Variants in NKAIN1 observed in about 807,000 individuals in gnomAD.
NKAIN1 encodes the protein sodium/potassium transporting ATPase interacting 1, also known as sodium/potassium-transporting ATPase subunit beta-1-interacting protein 1.
A neutral mutation model predicts 31.6 loss-of-function variants in NKAIN1; 13 were observed. The ratio of observed to expected loss-of-function variants is 0.41; its 90% CI spans 0.27 to 0.65. NKAIN1 has a LOEUF of 0.65. NKAIN1 is among the 30% of genes least tolerant of loss of function. The pLI is 0.30. For missense variants in NKAIN1, 193 were observed against 262.2 expected, an observed-to-expected ratio of 0.74 and a Z score of 1.82; for synonymous variants, 104 against 109.0, an observed-to-expected ratio of 0.95 and a Z score of 0.28.
intron 3 of NKAIN1, 51 bp downstream of exon 3, chr1:31,185,196 G>T: frequency 6.9e-7 from 1 of 1,453,516 alleles, no homozygotes; most frequent in Non-Finnish European, 9.5e-7. Flanking sequence ...TAGGGCAGGG[G>T]ATGGGAATGG....
chr1:31,236,914 A>G (rs1041917342), intron 1 of NKAIN1, among the ~76,000 whole-genome samples: 1 of 152,134 alleles, frequency 6.6e-6, no homozygotes, highest in East Asian at 1.9e-4. Flanking sequence ...TACTTATTTT[A>G]TAATTAAGAA....
At chr1:31,186,393 T>TG (rs1321891606) in intron 2 of NKAIN1, among the ~76,000 whole-genome samples, 1 of 114,648 alleles carries the variant, frequency 8.7e-6, no homozygotes, top group Admixed American at 9.7e-5. Context: ...AATTCTTTTG[T>TG]GTTTTTTTTT....
intron 1 of NKAIN1, among the ~76,000 whole-genome samples, chr1:31,199,495 G>A (rs1479222033): frequency 6.6e-6 from 1 of 152,100 alleles, no homozygotes; most frequent in African/African-American, 2.4e-5. Context: ...GTGAAATGAG[G>A]GAGTGGGATG....
At chr1:31,231,427 G>T (rs1280025900) in intron 1 of NKAIN1, among the ~76,000 whole-genome samples, 2 of 150,764 alleles carry the variant, frequency 1.3e-5, no homozygotes, top group East Asian at 3.9e-4. Flanking sequence ...ACCCACCTTG[G>T]CCTCCCAAAG....
intron 1 of NKAIN1, among the ~76,000 whole-genome samples, chr1:31,212,664 C>T (rs1046584726): frequency 3.3e-5 from 5 of 151,992 alleles, no homozygotes; most frequent in African/African-American, 9.7e-5. Context: ...CTTGGCCTCC[C>T]GAAACTTTTG....
intron 1 of NKAIN1, among the ~76,000 whole-genome samples, chr1:31,196,544 G>T (rs954612451): frequency 7.2e-6 from 1 of 139,278 alleles, no homozygotes; most frequent in African/African-American, 2.6e-5. Context: ...AAAATTAGCC[G>T]GGCATGGTGG....
At chr1:31,226,376 T>C (rs546166117) in intron 1 of NKAIN1, among the ~76,000 whole-genome samples, 5 of 151,790 alleles carry the variant, frequency 3.3e-5, no homozygotes, top group African/African-American at 1.2e-4. Context: ...GGTGAGCTGA[T>C]AGAGGAAGAG....
chr1:31,188,212 A>T (rs752622913), intron 1 of NKAIN1, 25 bp from the exon 2 acceptor site: 12 of 1,549,496 alleles, frequency 7.7e-6, no homozygotes, highest in Non-Finnish European at 1.0e-5. Flanking sequence ...GGCTGAGGCC[A>T]CTGTCACCCC....
At chr1:31,189,143 C>T (rs577813773) in intron 1 of NKAIN1, among the ~76,000 whole-genome samples, 1 of 152,094 alleles carries the variant, frequency 6.6e-6, no homozygotes, top group South Asian at 2.1e-4. Flanking sequence ...GGGAGGAGAG[C>T]GAAGGCACCC....
At chr1:31,203,151 G>C (rs991751290) in intron 1 of NKAIN1, among the ~76,000 whole-genome samples, 1 of 151,786 alleles carries the variant, frequency 6.6e-6, no homozygotes, top group Non-Finnish European at 1.5e-5. Flanking sequence ...TGTAATCCCA[G>C]CTACTCGGGA....
At chr1:31,184,100 G>A (rs932734728) in intron 3 of NKAIN1, 86 bp from the exon 4 acceptor site, 33 of 1,232,552 alleles carry the variant, frequency 2.7e-5, no homozygotes, top group African/African-American at 1.2e-4. Flanking sequence ...TATATTGATC[G>A]GTGAAGGGAT....
chr1:31,201,024 G>A (rs1218001870), intron 1 of NKAIN1, among the ~76,000 whole-genome samples: 1 of 151,936 alleles, frequency 6.6e-6, no homozygotes, highest in African/African-American at 2.4e-5. Flanking sequence ...GTAGAGACAG[G>A]GTTTTGCCAT....
At chr1:31,210,845 G>A (rs1435180994) in intron 1 of NKAIN1, among the ~76,000 whole-genome samples, 1 of 152,198 alleles carries the variant, frequency 6.6e-6, no homozygotes, top group Admixed American at 6.5e-5. Context: ...GCTGTTGTGA[G>A]TCCTCTCCAT....
chr1:31,193,815 C>G (rs961180310), intron 1 of NKAIN1: 2 of 152,138 alleles, frequency 1.3e-5, no homozygotes, highest in Non-Finnish European at 2.9e-5. Context: ...ACCTTTCCCA[C>G]CTGGTTGCGT....
chr1:31,238,825 G>A (rs1390211084), intron 1 of NKAIN1, among the ~76,000 whole-genome samples: 1 of 152,204 alleles, frequency 6.6e-6, no homozygotes, highest in African/African-American at 2.4e-5. Context: ...GGATCTGGCA[G>A]CTCCTGGTGA....
At chr1:31,238,872 GC>G (rs1005024704) in intron 1 of NKAIN1, among the ~76,000 whole-genome samples, 2 of 152,212 alleles carry the variant, frequency 1.3e-5, no homozygotes, top group African/African-American at 4.8e-5. Context: ...TCCCAGGACT[GC>G]CCGGTCAGGA....
chr1:31,186,522 T>G lies in NKAIN1; in HGVS notation c.193-1195A>C, dbSNP rs138341249. On this transcript the variant is annotated intron_variant, in intron 2 of 6. Coordinates refer to ENST00000373736, the MANE Select transcript of NKAIN1 (RefSeq NM_024522.3). The stretch of plus-strand genomic sequence containing the variant: ...TCCTGCAGCCTTGTGCCTGAGTATG[T>G]GTGTGACATCTTCTCACATGGCTGT... Among the ~76,000 whole-genome samples the G allele has an allele frequency of 5.4e-3, 825 of 151,390 alleles. 5 individuals carry two copies. The highest frequency in any genetic ancestry group is 0.019 in the African/African-American group (777 of 41,230).
intron 2 of NKAIN1, 139 bp from the exon 3 acceptor site, chr1:31,185,466 C>T: frequency 1.4e-6 from 1 of 691,134 alleles, no homozygotes; most frequent in Middle Eastern, 4.0e-4. Flanking sequence ...CACAGTGTAG[C>T]TTACAAATCA....
chr1:31,220,333 C>T (rs902529347), intron 1 of NKAIN1, among the ~76,000 whole-genome samples: 4 of 151,656 alleles, frequency 2.6e-5, no homozygotes, highest in African/African-American at 9.7e-5. Context: ...AGATCTTTTA[C>T]GATCTTCTTT....
Sources: allele counts gnomAD v4.1 joint callset (sites outside exome capture counted in the v4.1 genomes callset), GRCh38; gene constraint gnomAD v4.1.1; transcripts MANE v1.5; gene names NCBI Gene and HGNC (gene_info 2026-07-23, HGNC 2026-07-21).